The following CTNNA3 variants were observed in gnomAD, a reference collection of about 807,000 sequenced individuals.
CTNNA3 encodes catenin alpha 3, also known as catenin alpha-3.
CTNNA3 carries 76 observed loss-of-function variants against 95.7 expected under a neutral mutation model. That is an observed-to-expected ratio of 0.79 (90% CI 0.66 to 0.96). The LOEUF (loss-of-function observed/expected upper bound fraction) is 0.96, where lower values mean the gene tolerates loss of function less well. Among genes scored for constraint, CTNNA3 ranks in the 40% least tolerant of loss-of-function variants. The pLI, the probability that CTNNA3 is intolerant of heterozygous loss-of-function variation, is 0.00. For missense variants in CTNNA3, 1,191 were observed against 1,089.8 expected (o/e 1.09, Z -1.31); for synonymous variants, 431 against 374.4 (o/e 1.15, Z -1.74).
chr10:66,305,064 C>T (rs1341872241), intron 12 of CTNNA3, among the ~76,000 whole-genome samples: 1 of 152,074 alleles, frequency 6.6e-6, no homozygotes, highest in African/African-American at 2.4e-5. Context: ...CATGCAGGCT[C>T]ATCCTCAGCC....
At chr10:67,715,200 T>G (rs1841135542) in intron 1 of CTNNA3, among the ~76,000 whole-genome samples, 1 of 152,260 alleles carries the variant, frequency 6.6e-6, no homozygotes, top group South Asian at 2.1e-4. Flanking sequence ...AGAAACCAGA[T>G]GTTGAATCTC....
Position 67,427,594 on chromosome 10 carries a change from C to T in CTNNA3, c.579+94248G>A, listed in dbSNP as rs182614566. ...TGTGGATGTAGATACTTTTCTCATA[C>T]GTATTATGTGTATATGAATATATAT... On this transcript the variant is annotated intron_variant, in intron 5 of 17. Coordinates refer to ENST00000433211, the MANE Select transcript of CTNNA3 (RefSeq NM_013266.4). Among the ~76,000 whole-genome samples the T allele has an allele frequency of 1.9e-3, 285 of 151,940 alleles. 2 individuals carry two copies. The highest frequency in any genetic ancestry group is 0.011 in the East Asian group (57 of 5,170).
rs540983765 is a variant in CTNNA3, at chr10:66,978,177, C to T, written c.1047+202140G>A. Among the ~76,000 whole-genome samples the T allele has an allele frequency of 2.6e-5, 4 of 151,790 alleles. No individual in the cohort carries two copies. The South Asian group carries it at 8.3e-4, about 32-fold the overall frequency. On this transcript the variant is annotated intron_variant, in intron 7 of 17. Coordinates refer to ENST00000433211, the MANE Select transcript of CTNNA3 (RefSeq NM_013266.4). ...CAATAGGTATAAAATTTCAGTTATG[C>T]AAGATGAATAAGTTCTAGAGATCTG...
chr10:67,321,313 C>A (rs941391600), intron 5 of CTNNA3, among the ~76,000 whole-genome samples: 1 of 152,200 alleles, frequency 6.6e-6, no homozygotes, highest in Non-Finnish European at 1.5e-5. Context: ...AACATTCTAA[C>A]TTCTTTACAC....
chr10:66,973,083 T>A (rs1849818009), intron 7 of CTNNA3, among the ~76,000 whole-genome samples: 1 of 152,208 alleles, frequency 6.6e-6, no homozygotes, highest in South Asian at 2.1e-4. Flanking sequence ...AATGGTTCTT[T>A]TTTTATTGCT....
intron 15 of CTNNA3, among the ~76,000 whole-genome samples, chr10:66,016,127 A>C (rs761531161): frequency 2.0e-5 from 3 of 152,190 alleles, no homozygotes; most frequent in Non-Finnish European, 4.4e-5. Flanking sequence ...TTCCAAACTC[A>C]TTTTAGAGAC....
intron 13 of CTNNA3, among the ~76,000 whole-genome samples, chr10:66,253,681 T>G (rs1390235053): frequency 6.6e-6 from 1 of 152,140 alleles, no homozygotes; most frequent in Non-Finnish European, 1.5e-5. Flanking sequence ...TCAAGATATG[T>G]CTTTGTGGTG....
At chr10:66,263,627 C>A (rs574884480) in intron 13 of CTNNA3, among the ~76,000 whole-genome samples, 1 of 152,048 alleles carries the variant, frequency 6.6e-6, no homozygotes, top group African/African-American at 2.4e-5. Context: ...GAAGTCTAAT[C>A]CCCTCTCCCT....
At chr10:67,762,128 GGC>G (rs1480541199) in intron 1 of CTNNA3, among the ~76,000 whole-genome samples, 1 of 151,204 alleles carries the variant, frequency 6.6e-6, no homozygotes, top group Non-Finnish European at 1.5e-5. Flanking sequence ...CACTTTTGGG[GGC>G]GGGGGGAATC....
At chr10:67,168,265 T>C (rs1485485585) in intron 7 of CTNNA3, among the ~76,000 whole-genome samples, 3 of 152,090 alleles carry the variant, frequency 2.0e-5, no homozygotes, top group African/African-American at 7.2e-5. Flanking sequence ...AGGAGGAACT[T>C]TTCCCCAACT....
intron 15 of CTNNA3, among the ~76,000 whole-genome samples, chr10:66,038,315 A>G (rs879772369): frequency 1.3e-5 from 2 of 152,192 alleles, no homozygotes; most frequent in Admixed American, 6.5e-5. Context: ...AACAACATGC[A>G]TTCCAGTGGC....
At chr10:66,672,881 T>A (rs976819531) in intron 9 of CTNNA3, among the ~76,000 whole-genome samples, 1 of 152,092 alleles carries the variant, frequency 6.6e-6, no homozygotes, top group Non-Finnish European at 1.5e-5. Context: ...CCTTCTTTCA[T>A]GCAGTCTATA....
At chr10:66,470,831 G>A (rs1839101229) in intron 11 of CTNNA3, among the ~76,000 whole-genome samples, 1 of 151,784 alleles carries the variant, frequency 6.6e-6, no homozygotes, top group South Asian at 2.1e-4. Context: ...TAATTCTCTT[G>A]AAAAGAATAG....
chr10:66,232,820 G>C (rs927975366), intron 13 of CTNNA3, among the ~76,000 whole-genome samples: 2 of 152,018 alleles, frequency 1.3e-5, no homozygotes, highest in Admixed American at 6.6e-5. Context: ...TATCCACATG[G>C]GGAAAATTGT....
intron 5 of CTNNA3, among the ~76,000 whole-genome samples, chr10:67,513,475 C>T (rs1330736932): frequency 6.6e-6 from 1 of 152,088 alleles, no homozygotes; most frequent in Admixed American, 6.6e-5. Flanking sequence ...AAGACTGCAC[C>T]CACATCTTTT....
intron 7 of CTNNA3, among the ~76,000 whole-genome samples, chr10:66,979,728 A>C (rs1283448031): frequency 1.3e-5 from 2 of 152,206 alleles, no homozygotes; most frequent in Non-Finnish European, 2.9e-5. Context: ...GTGCCCAATA[A>C]ATGTTAGCTA....
chr10:66,710,150 T>C (rs1160024089), intron 9 of CTNNA3, among the ~76,000 whole-genome samples: 1 of 152,154 alleles, frequency 6.6e-6, no homozygotes, highest in African/African-American at 2.4e-5. Flanking sequence ...TGAAAAGATG[T>C]GTTTAGGGCA....
intron 13 of CTNNA3, among the ~76,000 whole-genome samples, chr10:66,215,329 T>C (rs1415949478): frequency 1.3e-5 from 2 of 152,214 alleles, no homozygotes; most frequent in Non-Finnish European, 2.9e-5. Context: ...AGCAACGTGC[T>C]ATGCCCTTTA....
intron 8 of CTNNA3, among the ~76,000 whole-genome samples, chr10:66,770,823 G>A (rs1840058761): frequency 7.4e-6 from 1 of 135,488 alleles, no homozygotes; most frequent in Non-Finnish European, 1.6e-5. Flanking sequence ...AATATTTTAT[G>A]TTAAAATATT....
Sources: allele counts gnomAD v4.1 joint callset (sites outside exome capture counted in the v4.1 genomes callset), GRCh38; gene constraint gnomAD v4.1.1; transcripts MANE v1.5; gene names NCBI Gene and HGNC (gene_info 2026-07-23, HGNC 2026-07-21).